The following SNX29 variants were observed in gnomAD, a reference collection of about 807,000 sequenced individuals.
The protein encoded by SNX29 is sorting nexin-29.
SNX29 carries 78 observed loss-of-function variants against 102.1 expected under a neutral mutation model. The observed-to-expected ratio is 0.76, with a 90% confidence interval of 0.64 to 0.92. The LOEUF (loss-of-function observed/expected upper bound fraction) is 0.92, where lower values mean the gene tolerates loss of function less well. Among genes scored for constraint, SNX29 ranks in the 40% least tolerant of loss-of-function variants. The pLI is 0.00. For synonymous variants in SNX29, 580 were observed against 414.5 expected, an observed-to-expected ratio of 1.40 and a Z score of -4.85; for missense variants, 1,280 against 1,061.7, an observed-to-expected ratio of 1.21 and a Z score of -2.86.
intron 11 of SNX29, among the ~76,000 whole-genome samples, chr16:12,097,593 T>G (rs1211766910): frequency 6.6e-6 from 1 of 152,166 alleles, no homozygotes; most frequent in East Asian, 1.9e-4. Flanking sequence ...TGAGGTCTGC[T>G]GCATTCCTCC....
intron 20 of SNX29, among the ~76,000 whole-genome samples, chr16:12,557,140 C>G (rs1232030775): frequency 6.6e-6 from 1 of 151,958 alleles, no homozygotes; most frequent in Admixed American, 6.6e-5. Context: ...GGAGTCACTG[C>G]CCCTGGTCAC....
In SNX29 at chr16:12,570,405, C is replaced by A; in HGVS notation, c.*1776C>A. On this transcript the variant is annotated 3_prime_UTR_variant, in exon 21 of 21. Coordinates refer to ENST00000566228, the MANE Select transcript of SNX29 (RefSeq NM_032167.5). Reference sequence around the variant, plus strand: ...GAAATTCCAAGGCCAGAGTGCACATCAGCTCACATGACTGGCAACTCTAAA... The same window carrying A: ...GAAATTCCAAGGCCAGAGTGCACATAAGCTCACATGACTGGCAACTCTAAA... The A allele has an allele frequency of 3.4e-6, 1 of 290,246 alleles. No homozygotes were observed. Among genetic ancestry groups the A allele is most frequent in the Non-Finnish European group, 5.9e-6 (1 of 170,296 alleles). 18.0% of individuals were successfully genotyped at this position (290,246 alleles called of 1,614,324 possible).
At chr16:12,555,365 A>C (rs936172670) in intron 20 of SNX29, among the ~76,000 whole-genome samples, 2 of 152,028 alleles carry the variant, frequency 1.3e-5, no homozygotes, top group African/African-American at 4.8e-5. Context: ...CTTTTCTCCC[A>C]TGAGGCGCTC....
chr16:12,390,149 G>GGGGGGTGT (rs55953631), intron 16 of SNX29, among the ~76,000 whole-genome samples: 1 of 145,588 alleles, frequency 6.9e-6, no homozygotes, highest in African/African-American at 2.5e-5. Flanking sequence ...GCAATTGAGG[G>GGGGGGTGT]GTGTGTGTGT....
chr16:12,235,631 C>G (rs2077903338), intron 14 of SNX29, among the ~76,000 whole-genome samples: 1 of 152,004 alleles, frequency 6.6e-6, no homozygotes, highest in Non-Finnish European at 1.5e-5. Flanking sequence ...GATTCAGTAG[C>G]AAGACTCAAA....
At chr16:12,158,584 A>G (rs1359747163) in intron 13 of SNX29, among the ~76,000 whole-genome samples, 3 of 152,222 alleles carry the variant, frequency 2.0e-5, no homozygotes, top group Non-Finnish European at 4.4e-5. Flanking sequence ...CTAATGATTC[A>G]TAAGTGCCTC....
intron 13 of SNX29, among the ~76,000 whole-genome samples, chr16:12,148,542 C>T (rs2055162211): frequency 6.6e-6 from 1 of 152,182 alleles, no homozygotes; most frequent in Non-Finnish European, 1.5e-5. Context: ...CTCCCCCTCC[C>T]CTGCATGATT....
At chr16:12,459,358 A>T (rs978410739) in intron 18 of SNX29, among the ~76,000 whole-genome samples, 2 of 150,614 alleles carry the variant, frequency 1.3e-5, no homozygotes, top group Non-Finnish European at 3.0e-5. Context: ...GGGGTGGAAC[A>T]CCCTCACGGT....
At chr16:12,250,455 G>C (rs1596632728) in intron 14 of SNX29, among the ~76,000 whole-genome samples, 1 of 152,158 alleles carries the variant, frequency 6.6e-6, no homozygotes, top group Non-Finnish European at 1.5e-5. Flanking sequence ...TTTAAGGTAG[G>C]TGTTAGCTGA....
intron 20 of SNX29, among the ~76,000 whole-genome samples, chr16:12,563,429 T>G (rs920023678): frequency 6.6e-6 from 1 of 152,192 alleles, no homozygotes; most frequent in African/African-American, 2.4e-5. Flanking sequence ...TTCCTTGCGG[T>G]ATGTCCTTTG....
chr16:12,513,855 C>A (rs932897645), intron 19 of SNX29, among the ~76,000 whole-genome samples: 1 of 152,258 alleles, frequency 6.6e-6, no homozygotes, highest in African/African-American at 2.4e-5. Flanking sequence ...CCATGCCCGA[C>A]TATTTGTTGC....
chr16:12,019,076 T>G (rs540287247), intron 3 of SNX29, among the ~76,000 whole-genome samples: 19 of 152,334 alleles, frequency 1.2e-4, no homozygotes, highest in South Asian at 1.2e-3. Flanking sequence ...TAAACCATAT[T>G]TCTTCATTCC....
At chr16:12,155,174 C>G (rs2055489262) in intron 13 of SNX29, among the ~76,000 whole-genome samples, 1 of 152,088 alleles carries the variant, frequency 6.6e-6, no homozygotes, top group Non-Finnish European at 1.5e-5. Context: ...GACTCTGGCT[C>G]TTGTTGCTAC....
chr16:12,058,878 G>A (rs1031715856), intron 8 of SNX29, among the ~76,000 whole-genome samples: 2 of 141,596 alleles, frequency 1.4e-5, no homozygotes, highest in East Asian at 4.3e-4. Flanking sequence ...TGCAGCCCTC[G>A]ACCTCCCAGG....
chr16:12,123,585 G>T (rs2054074981), intron 11 of SNX29, among the ~76,000 whole-genome samples: 1 of 152,058 alleles, frequency 6.6e-6, no homozygotes, highest in South Asian at 2.1e-4. Flanking sequence ...AAAAAGAGAA[G>T]GAGTCTGAGG....
chr16:12,062,741 T>G (rs937004679), intron 9 of SNX29, among the ~76,000 whole-genome samples: 6 of 152,158 alleles, frequency 3.9e-5, no homozygotes, highest in Admixed American at 6.5e-5. Flanking sequence ...CACTAATCAC[T>G]CAGGAAGCTG....
At chr16:12,330,029 C>A (rs908541216) in intron 15 of SNX29, among the ~76,000 whole-genome samples, 4 of 152,194 alleles carry the variant, frequency 2.6e-5, no homozygotes, top group African/African-American at 9.6e-5. Flanking sequence ...CTCTGAACCT[C>A]ATTTTCCCTG....
chr16:12,522,757 C>A (rs577014564), intron 19 of SNX29, among the ~76,000 whole-genome samples: 1 of 152,170 alleles, frequency 6.6e-6, no homozygotes, highest in African/African-American at 2.4e-5. Flanking sequence ...AACCATGAGC[C>A]AGTTAAACCT....
At chr16:12,501,608 G>A (rs533496488) in intron 19 of SNX29, among the ~76,000 whole-genome samples, 1 of 151,492 alleles carries the variant, frequency 6.6e-6, no homozygotes, top group South Asian at 2.1e-4. Context: ...TGTAGTCCCA[G>A]CTACTTGGGA....
Sources: allele counts gnomAD v4.1 joint callset (sites outside exome capture counted in the v4.1 genomes callset), GRCh38; gene constraint gnomAD v4.1.1; transcripts MANE v1.5; gene names NCBI Gene and HGNC (gene_info 2026-07-23, HGNC 2026-07-21).